Variants in PCDHGB1 observed in about 807,000 individuals in gnomAD.
The protein encoded by PCDHGB1 is protocadherin gamma subfamily B, 1, also known as protocadherin gamma-B1.
Under a neutral mutation model 56.6 loss-of-function variants are expected in PCDHGB1, and 34 were observed. The ratio of observed to expected loss-of-function variants is 0.60; its 90% confidence interval spans 0.46 to 0.80. The LOEUF (loss-of-function observed/expected upper bound fraction) is 0.80, where lower values mean the gene tolerates loss of function less well. Ranked by LOEUF, PCDHGB1 falls within the 30% of genes least tolerant of loss-of-function variation. PCDHGB1 has a pLI of 0.00. For missense variants in PCDHGB1, 1,278 were observed against 1,204.6 expected (o/e 1.06, Z -0.90); for synonymous variants, 561 against 505.9 (o/e 1.11, Z -1.46).
chr5:141,445,311 G>A (rs2098463310), intron 1 of PCDHGB1, among the ~76,000 whole-genome samples: 1 of 152,150 alleles, frequency 6.6e-6, no homozygotes, highest in East Asian at 1.9e-4. Flanking sequence ...CAGTTTGTAG[G>A]TTGAGAGAAC....
intron 1 of PCDHGB1, chr5:141,419,596 G>A (rs377287183): frequency 2.6e-5 from 42 of 1,611,564 alleles, no homozygotes; most frequent in Non-Finnish European, 3.3e-5. Flanking sequence ...ACACAGTGCC[G>A]CGGGCCGCGC....
At chr5:141,403,577 C>T (rs1188693688) in intron 1 of PCDHGB1, 2 of 1,613,812 alleles carry the variant, frequency 1.2e-6, no homozygotes, top group South Asian at 1.1e-5. Context: ...AACTGCCCAC[C>T]ACCTGGTCCT....
chr5:141,460,470 A>T (rs2098990057), intron 1 of PCDHGB1, among the ~76,000 whole-genome samples: 1 of 152,110 alleles, frequency 6.6e-6, no homozygotes, highest in South Asian at 2.1e-4. Flanking sequence ...TTTCCAAAGG[A>T]ATATCCAATT....
At chr5:141,355,359 G>T in intron 1 of PCDHGB1, 1 of 1,614,048 alleles carries the variant, frequency 6.2e-7, no homozygotes, top group African/African-American at 1.3e-5. Context: ...AGGACCTGGG[G>T]TTGGCGCCCC....
chr5:141,388,447 G>C (rs775979306), intron 1 of PCDHGB1: 2 of 1,613,802 alleles, frequency 1.2e-6, no homozygotes, highest in Non-Finnish European at 1.7e-6. Flanking sequence ...AAATCAGATG[G>C]CAGTAAATAC....
chr5:141,487,802 C>G lies in PCDHGB1; in HGVS notation c.2410-7005C>G. On this transcript the variant is annotated intron_variant, in intron 1 of 3. Transcript: ENST00000523390. The surrounding 1 kb of genome is among the most constrained non-coding windows in gnomAD (Gnocchi z 5.0). ...TTTCGTGAATTAACCAGAGTTGTCACAGTTTAGCATTGGGGGCGGGTCATG... is the reference window on the plus strand; with the variant it reads ...TTTCGTGAATTAACCAGAGTTGTCAGAGTTTAGCATTGGGGGCGGGTCATG... 6.8e-7 allele frequency: 1 copy of G among 1,477,424 alleles called. No homozygotes were observed. The allele number at this position is 1,477,424 out of a possible 1,614,324, so 91.5% of individuals were successfully genotyped here.
At chr5:141,389,724 C>A in intron 1 of PCDHGB1, 3 of 1,612,722 alleles carry the variant, frequency 1.9e-6, no homozygotes, top group African/African-American at 1.3e-5. Context: ...CGAGCCCGGG[C>A]TCTTCAGCCT....
chr5:141,380,638 T>G (rs1776626783), intron 1 of PCDHGB1, among the ~76,000 whole-genome samples: 1 of 152,254 alleles, frequency 6.6e-6, no homozygotes, highest in Non-Finnish European at 1.5e-5. Context: ...AAAATGTGAA[T>G]GCTAGAGACA....
rs772345742 is a variant in PCDHGB1 at position 141,398,560 on chromosome 5, T to C, written c.2409+45891T>C. 17 of 1,613,792 alleles carry C rather than the reference T, an allele frequency of 1.1e-5. No individual in the cohort carries two copies. The Admixed American group carries it at 2.2e-4, about 21-fold the overall frequency. ...TTCCTTTGAGCTGCAAATAAGTGAG[T>C]CTGCACAGCCTGGCACAAGATTTAT... On this transcript the variant is annotated intron_variant, in intron 1 of 3. Transcript: ENST00000523390.
intron 1 of PCDHGB1, chr5:141,399,103 C>T (rs376000100): frequency 1.5e-5 from 25 of 1,613,604 alleles, no homozygotes; most frequent in East Asian, 6.7e-5. Context: ...ACTGGTTGCA[C>T]AATGTACAGT....
chr5:141,479,435 G>C (rs2099495981), intron 1 of PCDHGB1: 1 of 152,218 alleles, frequency 6.6e-6, no homozygotes, highest in Non-Finnish European at 1.5e-5. Context: ...TCAATCCACT[G>C]TCTGCACTAA....
chr5:141,504,434 A>C (rs2099838201), intron 2 of PCDHGB1, among the ~76,000 whole-genome samples: 1 of 152,234 alleles, frequency 6.6e-6, no homozygotes, highest in South Asian at 2.1e-4. Flanking sequence ...CAACAGCTGC[A>C]GTGTGACTAG....
rs938964469 is a variant in PCDHGB1 at position 141,485,439 on chromosome 5, C to T, written c.2410-9368C>T. On this transcript the variant is annotated intron_variant, in intron 1 of 3. Transcript: ENST00000523390. This position sits in a 1 kb window ranked among gnomAD's most constrained non-coding sequence, Gnocchi z 5.7. The stretch of plus-strand genomic sequence containing the variant: ...AGCGGAGCCCTGCTCATCAAGAACC[C>T]AATCGACCGAGAGGCACTGTGTGGG... The T allele has an allele frequency of 1.1e-5, 18 of 1,614,182 alleles. No homozygotes were observed. Among genetic ancestry groups the T allele is most frequent in the Non-Finnish European group, 1.5e-5 (18 of 1,180,036 alleles).
In PCDHGB1 at chr5:141,389,786, C is replaced by T. The variant is rs368188508; in HGVS notation, c.2409+37117C>T. 6.2e-6 allele frequency: 10 copies of T among 1,613,252 alleles called. No homozygotes were observed. The African/African-American group carries it at 1.1e-4, about 17-fold the overall frequency. The stretch of plus-strand genomic sequence containing the variant: ...CAGCGCGTGCCTTAGGCGACAGGGA[C>T]GCCGTCCGCCAGCGCCTTCTGGTCG... On this transcript the variant is annotated intron_variant, in intron 1 of 3. Transcript: ENST00000523390.
chr5:141,437,820 C>T (rs973577605), intron 1 of PCDHGB1, among the ~76,000 whole-genome samples: 4 of 151,904 alleles, frequency 2.6e-5, no homozygotes, highest in Non-Finnish European at 5.9e-5. Flanking sequence ...TCACTGCAAC[C>T]TCTGCCTCCT....
intron 1 of PCDHGB1, chr5:141,374,825 C>T: frequency 1.2e-6 from 2 of 1,613,896 alleles, no homozygotes; most frequent in Non-Finnish European, 1.7e-6. Context: ...GCCTGTCTAC[C>T]GTGTAAGTGT....
intron 1 of PCDHGB1, chr5:141,355,724 A>C (rs749817952): frequency 6.2e-7 from 1 of 1,613,970 alleles, no homozygotes; most frequent in Non-Finnish European, 8.5e-7. Context: ...CTCAACTCAA[A>C]CGGTTACTTT....
intron 1 of PCDHGB1, chr5:141,355,683 T>A: frequency 6.2e-7 from 1 of 1,614,012 alleles, no homozygotes; most frequent in Non-Finnish European, 8.5e-7. Context: ...TTGATCCGGA[T>A]GTAGGTGTAA....
Position 141,351,106 on chromosome 5 carries a change from A to G in PCDHGB1, c.846A>G (p.Pro282=), listed in dbSNP as rs1258132619. ...AEITYAFLNS[P]ISTSLFNLNP... The stretch of plus-strand genomic sequence containing the variant: ...TCACCTATGCCTTCCTCAATTCCCC[A>G]ATAAGTACCAGCCTCTTCAATCTCA... Residue 282 remains proline (P), a synonymous_variant, in exon 1 of 4, where the codon CCA becomes CCG. Transcript: ENST00000523390. 1 of 1,614,066 alleles carries G rather than the reference A, an allele frequency of 6.2e-7. No homozygotes were observed. Among genetic ancestry groups the G allele is most frequent in the Non-Finnish European group, 8.5e-7 (1 of 1,179,908 alleles).
Sources: gnomAD v4.1 joint callset for allele counts (sites outside exome capture counted in the v4.1 genomes callset) on GRCh38, gnomAD v4.1.1 for gene constraint, Gnocchi (gnomAD v3.1) non-coding constraint, MANE v1.5 for transcripts, NCBI Gene and HGNC (gene_info 2026-07-23, HGNC 2026-07-21) for gene names.